Variants in GRIN2A observed in about 807,000 individuals in gnomAD.
The protein encoded by GRIN2A is glutamate ionotropic receptor NMDA type subunit 2A.
GRIN2A carries 22 observed loss-of-function variants against 113.4 expected under a neutral mutation model. That is an observed-to-expected ratio of 0.19 (90% CI 0.14 to 0.28). The LOEUF (loss-of-function observed/expected upper bound fraction) is 0.28. Ranked by LOEUF, GRIN2A falls within the 10% of genes least tolerant of loss-of-function variation. GRIN2A has a pLI of 1.00. For missense variants in GRIN2A, 1,502 were observed against 1,887.0 expected (o/e 0.80, Z 3.78); for synonymous variants, 827 against 738.4 (o/e 1.12, Z -1.94).
chr16:10,109,475 C>T (rs2048568026), intron 2 of GRIN2A, among the ~76,000 whole-genome samples: 1 of 152,114 alleles, frequency 6.6e-6, no homozygotes, highest in Non-Finnish European at 1.5e-5. Context: ...TAAGGAAACT[C>T]TAGACCAACC....
At chr16:9,824,543 A>G (rs1473747276) in intron 9 of GRIN2A, among the ~76,000 whole-genome samples, 1 of 152,176 alleles carries the variant, frequency 6.6e-6, no homozygotes. Flanking sequence ...TTGCACAGTA[A>G]CAGAGATAGA....
intron 2 of GRIN2A, chr16:9,943,221 C>G (rs756815501): frequency 6.6e-6 from 1 of 152,230 alleles, no homozygotes; most frequent in Non-Finnish European, 1.5e-5. Context: ...GAATGTGCAG[C>G]TGGGGGAGAG....
intron 3 of GRIN2A, among the ~76,000 whole-genome samples, chr16:9,899,682 G>A (rs1012890663): frequency 6.6e-6 from 1 of 152,080 alleles, no homozygotes; most frequent in Non-Finnish European, 1.5e-5. Context: ...ACACAAAATA[G>A]AAATCTTCTT....
At chr16:9,991,948 C>G (rs1310946924) in intron 2 of GRIN2A, among the ~76,000 whole-genome samples, 1 of 152,138 alleles carries the variant, frequency 6.6e-6, no homozygotes, top group East Asian at 1.9e-4. Context: ...ATGCCTAATG[C>G]ATGCGGGGCT....
intron 2 of GRIN2A, among the ~76,000 whole-genome samples, chr16:10,144,773 G>A (rs1231218907): frequency 6.6e-6 from 1 of 151,896 alleles, no homozygotes; most frequent in African/African-American, 2.4e-5. Flanking sequence ...GTGCAAAAAT[G>A]AGCCAGGTGT....
At chr16:9,846,020 A>G (rs2042766442) in intron 5 of GRIN2A, among the ~76,000 whole-genome samples, 1 of 152,244 alleles carries the variant, frequency 6.6e-6, no homozygotes, top group African/African-American at 2.4e-5. Flanking sequence ...GTATTAAAAC[A>G]ATTTATTTAT....
chr16:10,166,816 C>G (rs2142343418), intron 2 of GRIN2A, among the ~76,000 whole-genome samples: 1 of 152,298 alleles, frequency 6.6e-6, no homozygotes. Flanking sequence ...TCCTCTTCCT[C>G]CTCCTCCTCA....
chr16:9,941,778 T>C (rs2044885090), intron 2 of GRIN2A, among the ~76,000 whole-genome samples: 1 of 152,210 alleles, frequency 6.6e-6, no homozygotes, highest in Admixed American at 6.5e-5. Context: ...ATACTTACTC[T>C]ATGAGAGTCA....
At chr16:9,867,676 T>C (rs2043183521) in intron 4 of GRIN2A, among the ~76,000 whole-genome samples, 1 of 152,124 alleles carries the variant, frequency 6.6e-6, no homozygotes, top group South Asian at 2.1e-4. Context: ...CTTTCTTGAG[T>C]TCTCTGCCCT....
intron 2 of GRIN2A, among the ~76,000 whole-genome samples, chr16:10,030,899 G>T (rs2046916049): frequency 6.6e-6 from 1 of 152,318 alleles, no homozygotes; most frequent in East Asian, 1.9e-4. Flanking sequence ...ATAAATAGAT[G>T]TATTATTTGT....
chr16:9,857,886 A>G (rs2042995844), intron 4 of GRIN2A, among the ~76,000 whole-genome samples: 1 of 152,210 alleles, frequency 6.6e-6, no homozygotes, highest in African/African-American at 2.4e-5. Context: ...AGTTTTTACC[A>G]TGTCAGTAGT....
At chr16:9,963,982 C>T (rs994151290) in intron 2 of GRIN2A, among the ~76,000 whole-genome samples, 2 of 152,128 alleles carry the variant, frequency 1.3e-5, no homozygotes, top group Middle Eastern at 3.2e-3. Flanking sequence ...AAAGTCACAC[C>T]GCACCATGCA....
intron 4 of GRIN2A, among the ~76,000 whole-genome samples, chr16:9,875,415 G>C (rs150797735): frequency 0.012 from 1,870 of 152,234 alleles, 32 homozygotes; most frequent in African/African-American, 0.042. Flanking sequence ...TAGTGGAATG[G>C]GAAGCTTCTG....
At chr16:10,146,676 G>A (rs1410758945) in intron 2 of GRIN2A, among the ~76,000 whole-genome samples, 1 of 151,976 alleles carries the variant, frequency 6.6e-6, no homozygotes, top group Non-Finnish European at 1.5e-5. Context: ...TGAGTCTCTG[G>A]CAAGAGGTGA....
chr16:10,001,486 A>T (rs2046318290), intron 2 of GRIN2A, among the ~76,000 whole-genome samples: 1 of 152,022 alleles, frequency 6.6e-6, no homozygotes, highest in Non-Finnish European at 1.5e-5. Context: ...GCTCCTTCCA[A>T]CTCTCTGCCC....
intron 4 of GRIN2A, among the ~76,000 whole-genome samples, chr16:9,863,186 G>A (rs1327091975): frequency 6.6e-6 from 1 of 152,166 alleles, no homozygotes; most frequent in African/African-American, 2.4e-5. Flanking sequence ...AGGCAAACAT[G>A]AGCAGTTTGG....
chr16:9,988,608 G>C (rs2046034569), intron 2 of GRIN2A, among the ~76,000 whole-genome samples: 1 of 151,854 alleles, frequency 6.6e-6, no homozygotes, highest in South Asian at 2.1e-4. Flanking sequence ...TATTCAAAGA[G>C]CATCTTCCAT....
intron 7 of GRIN2A, among the ~76,000 whole-genome samples, chr16:9,839,187 T>A (rs1430377377): frequency 2.0e-5 from 3 of 152,218 alleles, no homozygotes; most frequent in African/African-American, 7.2e-5. Flanking sequence ...CTGAATTTCA[T>A]GATATTCAAC....
chr16:10,111,250 G>A (rs546048356), intron 2 of GRIN2A: 3 of 287,930 alleles, frequency 1.0e-5, no homozygotes, highest in Non-Finnish European at 2.0e-5. Context: ...CCAACACTAA[G>A]TGGTTAAATA....
Sources: gnomAD v4.1 joint callset for allele counts (sites outside exome capture counted in the v4.1 genomes callset) on GRCh38, gnomAD v4.1.1 for gene constraint, MANE v1.5 for transcripts, NCBI Gene and HGNC (gene_info 2026-07-23, HGNC 2026-07-21) for gene names.